CPNE4: variants seen among roughly 807,000 people sequenced by gnomAD.
CPNE4 encodes copine-4.
Under a neutral mutation model 67.9 loss-of-function variants are expected in CPNE4, and 25 were observed. The ratio of observed to expected loss-of-function variants is 0.37; its 90% CI spans 0.27 to 0.51. The LOEUF is 0.51. CPNE4 is among the 20% of genes least tolerant of loss of function. The pLI is 0.93. For synonymous variants in CPNE4, 242 were observed against 244.9 expected (o/e 0.99, Z 0.11); for missense variants, 464 against 690.8 (o/e 0.67, Z 3.68).
intron 2 of CPNE4, among the ~76,000 whole-genome samples, chr3:131,860,022 T>C (rs1249998974): frequency 1.3e-5 from 2 of 152,164 alleles, no homozygotes; most frequent in African/African-American, 4.8e-5. Flanking sequence ...TTTTTTCTTA[T>C]CCTCAACAAA....
At chr3:131,885,375 G>A (rs987917749) in intron 2 of CPNE4, among the ~76,000 whole-genome samples, 2 of 150,816 alleles carry the variant, frequency 1.3e-5, no homozygotes, top group Non-Finnish European at 1.5e-5. Flanking sequence ...TTTATTTTAA[G>A]GTTATAAAAA....
intron 1 of CPNE4, among the ~76,000 whole-genome samples, chr3:132,015,650 G>A (rs558471203): frequency 1.3e-5 from 2 of 152,266 alleles, no homozygotes; most frequent in South Asian, 2.1e-4. Context: ...TAAAAGGATT[G>A]TTTTCTTTAC....
intron 2 of CPNE4, among the ~76,000 whole-genome samples, chr3:131,865,018 T>C (rs113781249): frequency 0.076 from 11,627 of 152,146 alleles, 581 homozygotes; most frequent in East Asian, 0.17. Context: ...TATTGATTTG[T>C]GTATGTTGAA....
chr3:131,943,116 A>G (rs959567823), intron 1 of CPNE4, among the ~76,000 whole-genome samples: 1 of 152,190 alleles, frequency 6.6e-6, no homozygotes, highest in Admixed American at 6.5e-5. Context: ...TGTAACACCC[A>G]CGGAGGGCAT....
intron 2 of CPNE4, among the ~76,000 whole-genome samples, chr3:131,870,035 G>A (rs1447985107): frequency 3.3e-5 from 5 of 152,144 alleles, no homozygotes; most frequent in African/African-American, 1.2e-4. Flanking sequence ...GCAACATTTT[G>A]TTGTGGGTAG....
intron 1 of CPNE4, among the ~76,000 whole-genome samples, chr3:131,952,257 C>A (rs1422444465): frequency 3.3e-5 from 5 of 151,566 alleles, no homozygotes; most frequent in Admixed American, 1.3e-4. Context: ...CGGCCGCGAA[C>A]CCGTATGGGA....
At chr3:131,765,851 G>A (rs1431327764) in intron 2 of CPNE4, among the ~76,000 whole-genome samples, 1 of 152,104 alleles carries the variant, frequency 6.6e-6, no homozygotes, top group Non-Finnish European at 1.5e-5. Context: ...GAAGACATAT[G>A]AGGAAGGGGA....
chr3:131,601,594 C>A (rs140104754), intron 7 of CPNE4, among the ~76,000 whole-genome samples: 89 of 152,234 alleles, frequency 5.8e-4, no homozygotes, highest in African/African-American at 2.1e-3. Context: ...ATTACTAATA[C>A]CAGACCCTCT....
At chr3:131,732,743 C>T (rs1284002063) in intron 2 of CPNE4, among the ~76,000 whole-genome samples, 2 of 152,210 alleles carry the variant, frequency 1.3e-5, no homozygotes, top group African/African-American at 4.8e-5. Context: ...TCTGCTGGAA[C>T]TTTGATTGAT....
At chr3:131,792,652 TATAC>T (rs1479254231) in intron 2 of CPNE4, among the ~76,000 whole-genome samples, 1,466 of 77,652 alleles carry the variant, frequency 0.019, 38 homozygotes, top group East Asian at 0.024. Context: ...TATATGTATA[TATAC>T]ACACGTGTAT....
At chr3:131,792,696 C>CACGTGTGTATATACGTATAT in intron 2 of CPNE4, among the ~76,000 whole-genome samples, 1 of 44,542 alleles carries the variant, frequency 2.2e-5, no homozygotes, top group African/African-American at 8.4e-5. Flanking sequence ...TGTATATATA[C>CACGTGTGTATATACGTATAT]ATATACACAC....
chr3:131,681,491 G>A (rs752120536), intron 6 of CPNE4, among the ~76,000 whole-genome samples: 3 of 152,122 alleles, frequency 2.0e-5, no homozygotes, highest in Admixed American at 6.5e-5. Context: ...AGAATTCTGC[G>A]TCAGATGTAT....
intron 7 of CPNE4, among the ~76,000 whole-genome samples, chr3:131,605,118 G>A (rs564899666): frequency 6.6e-6 from 1 of 152,194 alleles, no homozygotes; most frequent in African/African-American, 2.4e-5. Context: ...AAGCTAGAAA[G>A]GGATGAAGTT....
chr3:131,692,265 C>A (rs1415064195), intron 5 of CPNE4, among the ~76,000 whole-genome samples: 1 of 152,046 alleles, frequency 6.6e-6, no homozygotes, highest in African/African-American at 2.4e-5. Flanking sequence ...AATGTCTGAT[C>A]TGAGTATGCT....
chr3:131,788,016 A>C (rs1406866948), intron 2 of CPNE4, among the ~76,000 whole-genome samples: 1 of 152,190 alleles, frequency 6.6e-6, no homozygotes, highest in Admixed American at 6.6e-5. Flanking sequence ...TGAATGGCGA[A>C]TGTACCAAAT....
intron 7 of CPNE4, among the ~76,000 whole-genome samples, chr3:131,596,704 T>C (rs141716933): frequency 3.3e-4 from 50 of 151,176 alleles, no homozygotes; most frequent in Admixed American, 7.2e-4. Flanking sequence ...ATACAATTAA[T>C]TGAAAAGCCT....
At chr3:131,736,864 T>A (rs2082246537) in intron 2 of CPNE4, among the ~76,000 whole-genome samples, 1 of 152,098 alleles carries the variant, frequency 6.6e-6, no homozygotes, top group Admixed American at 6.5e-5. Flanking sequence ...GCAGACTTTT[T>A]CTCCTATTTC....
chr3:132,037,854 G>T (rs1468579524), upstream of CPNE4: 1 of 437,592 alleles, frequency 2.3e-6, no homozygotes, highest in African/African-American at 2.0e-5. Context: ...CAATGCAGTT[G>T]ATACCATTTT....
Position 131,892,996 on chromosome 3 carries a change from T to C in CPNE4, c.180+12268A>G, listed in dbSNP as rs540079731. On this transcript the variant is annotated intron_variant, in intron 2 of 15. Coordinates refer to ENST00000429747, the MANE Select transcript of CPNE4 (RefSeq NM_130808.3). ...TATCCATTATTAACAACCTTGAATATAAATAGATTAAATTCTCCACTTAAA... is the reference window on the plus strand; with the variant it reads ...TATCCATTATTAACAACCTTGAATACAAATAGATTAAATTCTCCACTTAAA... 7.3e-4 allele frequency among the ~76,000 whole-genome samples: 111 copies of C among 152,096 alleles called. 1 individual carries two copies. Among genetic ancestry groups the C allele is most frequent in the South Asian group, 1.9e-3 (9 of 4,816 alleles).
Sources: gnomAD v4.1 joint callset for allele counts (sites outside exome capture counted in the v4.1 genomes callset) on GRCh38, gnomAD v4.1.1 for gene constraint, MANE v1.5 for transcripts, NCBI Gene and HGNC (gene_info 2026-07-23, HGNC 2026-07-21) for gene names.